Variants in PCBP3 observed in about 807,000 individuals in gnomAD.
PCBP3 encodes the protein poly(rC) binding protein 3, also known as poly(rC)-binding protein 3.
In PCBP3, 25 loss-of-function variants were observed where a neutral mutation model predicts 52.7. That is an observed-to-expected ratio of 0.47 (90% confidence interval 0.35 to 0.66). The LOEUF (loss-of-function observed/expected upper bound fraction) is 0.66. PCBP3 is among the 30% of genes least tolerant of loss of function. The pLI is 0.01. For missense variants in PCBP3, 391 were observed against 490.3 expected (o/e 0.80, Z 1.91); for synonymous variants, 162 against 183.0 (o/e 0.89, Z 0.93).
At chr21:45,889,916 C>G (rs1240591779) in intron 5 of PCBP3, among the ~76,000 whole-genome samples, 3 of 152,266 alleles carry the variant, frequency 2.0e-5, no homozygotes, top group Non-Finnish European at 1.5e-5. Flanking sequence ...TAGAAGTCAG[C>G]GTAGCTCCGA....
rs993807785 is a variant in PCBP3, at chr21:45,741,623, C to T, written c.-162+6194C>T. Reference sequence around the variant, plus strand: ...GGCCACTGCTTTTCATAAGCTTTATCGAATTATTTGCTTTTAAAAACTGTG... The same window carrying T: ...GGCCACTGCTTTTCATAAGCTTTATTGAATTATTTGCTTTTAAAAACTGTG... On this transcript the variant is annotated intron_variant, in intron 3 of 17. Transcript: ENST00000681687. The surrounding 1 kb of genome is among the most constrained non-coding windows in gnomAD (Gnocchi z 4.5). 3.3e-5 allele frequency among the ~76,000 whole-genome samples: 5 copies of T among 151,894 alleles called. No homozygotes were observed. Among genetic ancestry groups the T allele is most frequent in the Admixed American group, 2.0e-4 (3 of 15,254 alleles).
intron 2 of PCBP3, among the ~76,000 whole-genome samples, chr21:45,690,566 A>G (rs1025835554): frequency 4.6e-5 from 7 of 152,168 alleles, no homozygotes; most frequent in African/African-American, 1.4e-4. Context: ...TTTCCTACAT[A>G]TATCTGAAAA....
chr21:45,691,101 A>C (rs1239210771), intron 2 of PCBP3, among the ~76,000 whole-genome samples: 1 of 152,138 alleles, frequency 6.6e-6, no homozygotes, highest in Non-Finnish European at 1.5e-5. Context: ...AATAGTTAAA[A>C]GCTAGGAACA....
At chr21:45,900,177 C>T (rs570036493) in intron 7 of PCBP3, among the ~76,000 whole-genome samples, 25 of 152,298 alleles carry the variant, frequency 1.6e-4, no homozygotes, top group East Asian at 1.9e-4. Flanking sequence ...CTCATTGTCC[C>T]GGCTTCCTCC....
rs929780417 is a variant in PCBP3, at chr21:45,735,320, T to A, written c.-199-72T>A. The A allele has an allele frequency of 6.6e-6, 1 of 152,220 alleles. No individual in the cohort carries two copies. The highest frequency in any genetic ancestry group is 2.4e-5 in the African/African-American group (1 of 41,460). The allele number at this position is 152,220 out of a possible 1,614,324, so 9.4% of individuals were successfully genotyped here. ...AAATTTGGTATCTAAGGTGATAGAT[T>A]GTGATTTCTGTCTCTCTTTGGAAAG... On this transcript the variant is annotated intron_variant, in intron 2 of 17. Transcript: ENST00000681687. This position sits in a 1 kb window ranked among gnomAD's most constrained non-coding sequence, Gnocchi z 4.0.
chr21:45,649,316 T>TC (rs1328489223), intron 1 of PCBP3, among the ~76,000 whole-genome samples: 1 of 152,122 alleles, frequency 6.6e-6, no homozygotes, highest in African/African-American at 2.4e-5. Context: ...ACTGGGTCCC[T>TC]CCCATAACAC....
At chr21:45,744,121 T>TATATATATATACATATGTATGTATATA (rs1569173594) in intron 3 of PCBP3, 8 of 151,098 alleles carry the variant, frequency 5.3e-5, no homozygotes, top group East Asian at 1.9e-4. Flanking sequence ...ATATGTTTTA[T>TATATATATATACATATGTATGTATATA]ATATATATAT....
At chr21:45,678,620 T>G (rs899714467) in intron 2 of PCBP3, among the ~76,000 whole-genome samples, 2 of 151,812 alleles carry the variant, frequency 1.3e-5, no homozygotes, top group African/African-American at 4.8e-5. Context: ...CCTGAAGATG[T>G]GACTGAATTG....
intron 4 of PCBP3, among the ~76,000 whole-genome samples, chr21:45,843,202 G>GGACATTATTCC (rs1456107263): frequency 1.3e-5 from 2 of 152,196 alleles, no homozygotes; most frequent in Non-Finnish European, 2.9e-5. Flanking sequence ...GTTGTTGGCT[G>GGACATTATTCC]TGCTCAGCAG....
chr21:45,708,200 G>C (rs972859771), intron 2 of PCBP3, among the ~76,000 whole-genome samples: 2 of 152,186 alleles, frequency 1.3e-5, no homozygotes, highest in Admixed American at 6.5e-5. Flanking sequence ...ATCACCATGT[G>C]GGTACTATGG....
chr21:45,824,407 G>C (rs1224085817), intron 4 of PCBP3, among the ~76,000 whole-genome samples: 1 of 152,194 alleles, frequency 6.6e-6, no homozygotes, highest in East Asian at 1.9e-4. Flanking sequence ...AGAAAGGTTG[G>C]CTTTAGAAGC....
intron 4 of PCBP3, among the ~76,000 whole-genome samples, chr21:45,784,015 C>T (rs1183951197): frequency 1.3e-5 from 2 of 152,102 alleles, no homozygotes; most frequent in East Asian, 3.9e-4. Flanking sequence ...CATTTTTGTG[C>T]TTTTCAGTTT....
rs1428936115 is a variant in PCBP3, at chr21:45,805,556, G to A, written c.-125-44405G>A. Among the ~76,000 whole-genome samples the A allele has an allele frequency of 6.6e-6, 1 of 152,212 alleles. No individual in the cohort carries two copies. The highest frequency in any genetic ancestry group is 1.5e-5 in the Non-Finnish European group (1 of 68,044). On this transcript the variant is annotated intron_variant, in intron 4 of 17. Coordinates refer to ENST00000681687, the MANE Select transcript of PCBP3 (RefSeq NM_001384156.1). This position sits in a 1 kb window ranked among gnomAD's most constrained non-coding sequence, Gnocchi z 4.6. ...CAGAGGCCTTGTGGGCAGTGTGGCAGAACGGCACATACAGGTGCCTAAAAT... is the reference window on the plus strand; with the variant it reads ...CAGAGGCCTTGTGGGCAGTGTGGCAAAACGGCACATACAGGTGCCTAAAAT...
At chr21:45,893,025 C>T (rs1380576435) in intron 5 of PCBP3, among the ~76,000 whole-genome samples, 1 of 151,882 alleles carries the variant, frequency 6.6e-6, no homozygotes, top group Non-Finnish European at 1.5e-5. Context: ...CAGGGAAGCC[C>T]CATGAGGAGG....
chr21:45,937,615 A>G lies in PCBP3; in HGVS notation c.909+2310A>G, dbSNP rs531168428. Reference sequence around the variant, plus strand: ...GGCCACATTATTTCAGAATATTTCTATCGTTCTTCTTTGAATTTGCAATGG... The same window carrying G: ...GGCCACATTATTTCAGAATATTTCTGTCGTTCTTCTTTGAATTTGCAATGG... On this transcript the variant is annotated intron_variant, in intron 16 of 17. Coordinates refer to ENST00000681687, the MANE Select transcript of PCBP3 (RefSeq NM_001384156.1). 2.6e-5 allele frequency among the ~76,000 whole-genome samples: 4 copies of G among 152,276 alleles called. No individual in the cohort carries two copies. The South Asian group carries it at 8.3e-4, about 32-fold the overall frequency.
chr21:45,941,210 G>A (rs955437178), intron 17 of PCBP3, among the ~76,000 whole-genome samples: 14 of 152,204 alleles, frequency 9.2e-5, no homozygotes, highest in Non-Finnish European at 8.8e-5. Context: ...AACCCAGGGC[G>A]AGCCTGGGGA....
chr21:45,731,869 CT>C (rs60209238), intron 2 of PCBP3, among the ~76,000 whole-genome samples: 117 of 149,678 alleles, frequency 7.8e-4, no homozygotes, highest in African/African-American at 2.0e-3. Flanking sequence ...AATGCATTGC[CT>C]TTTTTTTTTC....
chr21:45,665,797 G>A (rs2080758097), intron 1 of PCBP3, among the ~76,000 whole-genome samples: 1 of 152,010 alleles, frequency 6.6e-6, no homozygotes, highest in South Asian at 2.1e-4. Context: ...CAAAACCAAA[G>A]CCAGGCAAGG....
intron 4 of PCBP3, among the ~76,000 whole-genome samples, chr21:45,849,229 T>TCAA (rs2093899782): frequency 1.4e-5 from 2 of 147,116 alleles, no homozygotes; most frequent in Non-Finnish European, 3.0e-5. Flanking sequence ...AGACGGAGTC[T>TCAA]CACTCACTCT....
Sources: gnomAD v4.1 joint callset for allele counts (sites outside exome capture counted in the v4.1 genomes callset) on GRCh38, gnomAD v4.1.1 for gene constraint, Gnocchi (gnomAD v3.1) non-coding constraint, MANE v1.5 for transcripts, NCBI Gene and HGNC (gene_info 2026-07-23, HGNC 2026-07-21) for gene names.